Variants in BIK observed in about 807,000 individuals in gnomAD.
BIK encodes the protein bcl-2-interacting killer.
A neutral mutation model predicts 12.1 loss-of-function variants in BIK; 14 were observed. The ratio of observed to expected loss-of-function variants is 1.16; its 90% CI spans 0.77 to 1.81. BIK has a LOEUF of 1.81. Ranked by LOEUF, BIK falls within the 40% of genes most tolerant of loss-of-function variation. The pLI is 0.00. For missense variants in BIK, 215 were observed against 207.9 expected, an observed-to-expected ratio of 1.03 and a Z score of -0.21; for synonymous variants, 86 against 92.3, an observed-to-expected ratio of 0.93 and a Z score of 0.39.
At chr22:43,124,769 G>A (rs2147024395) in intron 2 of BIK, among the ~76,000 whole-genome samples, 2 of 152,248 alleles carry the variant, frequency 1.3e-5, no homozygotes, top group Middle Eastern at 6.8e-3. Context: ...GCACATGTCT[G>A]TAGTCCCAGC....
At chr22:43,126,404 C>G (rs1930316895) in intron 2 of BIK, among the ~76,000 whole-genome samples, 1 of 152,104 alleles carries the variant, frequency 6.6e-6, no homozygotes, top group Non-Finnish European at 1.5e-5. Context: ...CCAGGATGGT[C>G]TCGATCTCCT....
At chr22:43,113,971 G>A in intron 1 of BIK, among the ~76,000 whole-genome samples, 1 of 152,174 alleles carries the variant, frequency 6.6e-6, no homozygotes, top group East Asian at 1.9e-4. Flanking sequence ...CCTTTGTCCT[G>A]CCACTGGTTG....
chr22:43,125,179 T>C (rs1439914069), intron 2 of BIK, among the ~76,000 whole-genome samples: 1 of 152,178 alleles, frequency 6.6e-6, no homozygotes, highest in Non-Finnish European at 1.5e-5. Flanking sequence ...TGGAGGTCAC[T>C]TTTGTGCCCA....
intron 1 of BIK, among the ~76,000 whole-genome samples, chr22:43,121,631 C>T (rs935559258): frequency 6.6e-5 from 10 of 151,910 alleles, no homozygotes; most frequent in African/African-American, 2.4e-4. Context: ...CAGGAGACTG[C>T]CTTTTCGAGG....
chr22:43,115,092 G>A (rs1930085271), intron 1 of BIK, among the ~76,000 whole-genome samples: 1 of 152,222 alleles, frequency 6.6e-6, no homozygotes, highest in Non-Finnish European at 1.5e-5. Context: ...TTCCCGACTG[G>A]CTGGGGCAGA....
chr22:43,117,733 T>C (rs549779104), intron 1 of BIK, among the ~76,000 whole-genome samples: 7 of 148,766 alleles, frequency 4.7e-5, no homozygotes, highest in Non-Finnish European at 1.0e-4. Context: ...TGTAATGGTG[T>C]GATCTCGGCT....
Position 43,126,000 on chromosome 22 carries a change from G to A in BIK, c.162-1697G>A, listed in dbSNP as rs1360247336. Among the ~76,000 whole-genome samples, 5 of 151,424 alleles carry A rather than the reference G, an allele frequency of 3.3e-5. No homozygotes were observed. The East Asian group carries it at 9.7e-4, about 29-fold the overall frequency. ...CATACCCAGATGTCCAGGCACACCC[G>A]GCCATCCCAGCGGCAGGAAGGACCT... On this transcript the variant is annotated intron_variant, in intron 2 of 4. Transcript: ENST00000216115.
At chr22:43,121,851 C>T (rs1219796730) in intron 1 of BIK, among the ~76,000 whole-genome samples, 6 of 152,216 alleles carry the variant, frequency 3.9e-5, no homozygotes, top group Non-Finnish European at 5.9e-5. Context: ...AGCTCTGCCT[C>T]CCAGGTTCAA....
chr22:43,114,518 G>A (rs1191996409), intron 1 of BIK, among the ~76,000 whole-genome samples: 1 of 152,256 alleles, frequency 6.6e-6, no homozygotes, highest in East Asian at 1.9e-4. Flanking sequence ...GGCCAGGTTG[G>A]TCTTGAACTC....
chr22:43,126,175 C>A (rs1293507191), intron 2 of BIK, among the ~76,000 whole-genome samples: 1 of 150,436 alleles, frequency 6.6e-6, no homozygotes, highest in Non-Finnish European at 1.5e-5. Context: ...CAGGCGTGCA[C>A]CAGCATGCCC....
chr22:43,121,787 A>G (rs143360849), intron 1 of BIK, among the ~76,000 whole-genome samples: 13 of 152,300 alleles, frequency 8.5e-5, no homozygotes, highest in Non-Finnish European at 2.9e-5. Context: ...CCGTCTATAC[A>G]ATGTAAAACA....
chr22:43,127,575 T>C (rs1281145278), intron 2 of BIK, 122 bp from the exon 3 acceptor site: 19 of 855,476 alleles, frequency 2.2e-5, no homozygotes, highest in Non-Finnish European at 3.2e-5. Context: ...GCCCCAAATC[T>C]GACACCATCT....
chr22:43,127,846 G>A, intron 3 of BIK, 51 bp downstream of exon 3: 1 of 1,499,522 alleles, frequency 6.7e-7, no homozygotes, highest in South Asian at 1.2e-5. Flanking sequence ...GCCCTGGGCG[G>A]TGGGTGGAGG....
chr22:43,121,502 C>T lies in BIK; in HGVS notation c.-7-2514C>T, dbSNP rs144155369. Among the ~76,000 whole-genome samples, 269 of 152,228 alleles carry T rather than the reference C, an allele frequency of 1.8e-3. 1 individual carries two copies. Among genetic ancestry groups the T allele is most frequent in the South Asian group, 9.8e-3 (47 of 4,820 alleles). ...GCCTGCTGGGTAAGGGGGCTGTGGG[C>T]ACAGTGGGTCAAGGCGAGGCTCGGT... is the stretch of plus-strand genomic sequence containing the variant. On this transcript the variant is annotated intron_variant, in intron 1 of 4. Transcript: ENST00000216115.
Position 43,127,753 on chromosome 22 carries a change from G to A in BIK, c.218G>A (p.Arg73Lys). 10 of 1,553,100 alleles carry A rather than the reference G, an allele frequency of 6.4e-6. No individual in the cohort carries two copies. Among genetic ancestry groups the A allele is most frequent in the Admixed American group, 1.9e-5 (1 of 51,330 alleles). The change falls in exon 3 of 5, where the codon AGG becomes AAG. Residue 73 changes from arginine (R) to lysine (K), a missense_variant. Physicochemically the swap from Arg to Lys is conservative, Grantham distance 26. Coordinates refer to ENST00000216115, the MANE Select transcript of BIK (RefSeq NM_001197.5). The stretch of plus-strand genomic sequence containing the variant: ...GGGGACGAGATGGACGTGAGCCTCA[G>A]GGCCCCGCGCCTGGCCCAGCTCTCC... The part of the protein sequence containing the change: ...CIGDEMDVSL[R>K]APRLAQLSEV...
chr22:43,124,222 T>G (rs746549253), intron 2 of BIK, 39 bp downstream of exon 2: 1 of 1,607,126 alleles, frequency 6.2e-7, no homozygotes. Context: ...TGCCTGATAG[T>G]GACTTCAGGG....
intron 1 of BIK, 46 bp from the exon 2 acceptor site, chr22:43,123,970 T>C: frequency 6.3e-7 from 1 of 1,597,762 alleles, no homozygotes; most frequent in South Asian, 1.1e-5. Context: ...GCCCCCAGAC[T>C]GCTCAGTTCT....
intron 1 of BIK, among the ~76,000 whole-genome samples, chr22:43,122,284 A>G (rs1258413213): frequency 6.6e-6 from 1 of 152,228 alleles, no homozygotes; most frequent in Non-Finnish European, 1.5e-5. Flanking sequence ...TTAAAAATTA[A>G]GAACACCCAG....
rs550076080 is a variant in BIK at position 43,112,717 on chromosome 22, A to G, written c.-8+1914A>G. Among the ~76,000 whole-genome samples, 37 of 151,754 alleles carry G rather than the reference A, an allele frequency of 2.4e-4. 1 individual carries two copies. Among genetic ancestry groups the G allele is most frequent in the Middle Eastern group, 6.8e-3 (2 of 292 alleles). ...TAGACTGGGCTAGACCAGACTGGGTAACATGGTAAAACCCTGTCTCTACCA... is the reference window on the plus strand; with the variant it reads ...TAGACTGGGCTAGACCAGACTGGGTGACATGGTAAAACCCTGTCTCTACCA... On this transcript the variant is annotated intron_variant, in intron 1 of 4. Transcript: ENST00000216115.
Sources: allele counts gnomAD v4.1 joint callset (sites outside exome capture counted in the v4.1 genomes callset), GRCh38; gene constraint gnomAD v4.1.1; transcripts MANE v1.5; gene names NCBI Gene and HGNC (gene_info 2026-07-23, HGNC 2026-07-21).